ZNF540: variants seen among roughly 807,000 people sequenced by gnomAD.
ZNF540 encodes the protein zinc finger protein 540, also known as CTD-3064H18.6.
In ZNF540, 3 loss-of-function variants were observed where a neutral mutation model predicts 11.8. The ratio of observed to expected loss-of-function variants is 0.25; its 90% CI spans 0.12 to 0.65. The LOEUF (loss-of-function observed/expected upper bound fraction) is 0.65, where lower values mean the gene tolerates loss of function less well. Ranked by LOEUF, ZNF540 falls within the 30% of genes least tolerant of loss-of-function variation. ZNF540 has a pLI of 0.83. For missense variants in ZNF540, 709 were observed against 793.1 expected (o/e 0.89, Z 1.27); for synonymous variants, 247 against 259.0 (o/e 0.95, Z 0.45).
upstream of ZNF540, among the ~76,000 whole-genome samples, chr19:37,592,083 C>T (rs990873028): frequency 3.3e-5 from 5 of 151,686 alleles, no homozygotes; most frequent in Admixed American, 2.6e-4. Context: ...CATGGTGAAA[C>T]CCCGTCTCTA....
intron 1 of ZNF540, chr19:37,562,401 A>G (rs2042727413): frequency 6.6e-6 from 1 of 152,240 alleles, no homozygotes; most frequent in Admixed American, 6.5e-5. Flanking sequence ...TGAAACCAAA[A>G]AAGATAATGT....
intron 1 of ZNF540, among the ~76,000 whole-genome samples, chr19:37,568,563 A>G (rs898500547): frequency 6.6e-5 from 10 of 152,174 alleles, no homozygotes; most frequent in African/African-American, 2.4e-4. Flanking sequence ...ATGGGAAGAA[A>G]TATTAATCTA....
intron 1 of ZNF540, among the ~76,000 whole-genome samples, chr19:37,589,439 A>G (rs1278897952): frequency 6.6e-6 from 1 of 152,042 alleles, no homozygotes; most frequent in Non-Finnish European, 1.5e-5. Context: ...AGGGAAAACA[A>G]GAGAAAGACA....
intron 1 of ZNF540, among the ~76,000 whole-genome samples, chr19:37,559,975 T>G (rs2042699893): frequency 6.6e-6 from 1 of 152,114 alleles, no homozygotes; most frequent in African/African-American, 2.4e-5. Flanking sequence ...ACAATGAAGG[T>G]GGTTTTTAAA....
intron 1 of ZNF540, among the ~76,000 whole-genome samples, chr19:37,583,214 GTCC>G (rs1489442959): frequency 6.6e-6 from 1 of 152,078 alleles, no homozygotes; most frequent in Non-Finnish European, 1.5e-5. Context: ...ATCATTCCTG[GTCC>G]TCCTAACCTA....
chr19:37,553,276 G>A (rs1460853117), intron 1 of ZNF540, among the ~76,000 whole-genome samples: 2 of 151,192 alleles, frequency 1.3e-5, no homozygotes, highest in Non-Finnish European at 2.9e-5. Flanking sequence ...TGGGTTACAG[G>A]TGCCCACCAC....
At chr19:37,558,477 C>T (rs1461554466) in intron 1 of ZNF540, among the ~76,000 whole-genome samples, 1 of 152,036 alleles carries the variant, frequency 6.6e-6, no homozygotes, top group Non-Finnish European at 1.5e-5. Flanking sequence ...CTCATCATGC[C>T]CCTGGATGAC....
chr19:37,573,379 C>G (rs550557645), intron 1 of ZNF540, among the ~76,000 whole-genome samples: 2 of 152,296 alleles, frequency 1.3e-5, no homozygotes, highest in South Asian at 4.1e-4. Flanking sequence ...TAGGCTTCTC[C>G]TGGCAGCAGC....
intron 4 of ZNF540, among the ~76,000 whole-genome samples, chr19:37,609,718 T>A (rs1391579888): frequency 4.0e-5 from 6 of 149,996 alleles, no homozygotes; most frequent in African/African-American, 1.5e-4. Flanking sequence ...TTTGGTGGCA[T>A]GCACCTGTAA....
chr19:37,555,627 G>C (rs992183996), intron 1 of ZNF540: 5 of 448,856 alleles, frequency 1.1e-5, no homozygotes, highest in African/African-American at 2.0e-5. Context: ...AATGGTGGAG[G>C]AACAGTTAAA....
At chr19:37,575,969 A>G (rs1265335303) in intron 1 of ZNF540, 1 of 152,182 alleles carries the variant, frequency 6.6e-6, no homozygotes, top group Non-Finnish European at 1.5e-5. Context: ...TTGTGGATAT[A>G]AGGCTTTTAT....
chr19:37,608,665 T>TTCCGCAGTCCCAGAATTAGGTC (rs2044103219), intron 4 of ZNF540, among the ~76,000 whole-genome samples: 2 of 152,136 alleles, frequency 1.3e-5, no homozygotes, highest in Non-Finnish European at 2.9e-5. Context: ...GTGATAAGGT[T>TTCCGCAGTCCCAGAATTAGGTC]TCCGCAGTCC....
At chr19:37,601,208 C>A in intron 4 of ZNF540, 103 bp downstream of exon 4, 1 of 862,514 alleles carries the variant, frequency 1.2e-6, no homozygotes, top group Non-Finnish European at 1.8e-6. Flanking sequence ...GGGAGTTACT[C>A]TCAGAGGCCT....
At chr19:37,593,394 A>G (rs1254749580), upstream of ZNF540, among the ~76,000 whole-genome samples, 2 of 152,198 alleles carry the variant, frequency 1.3e-5, no homozygotes, top group African/African-American at 2.4e-5. Context: ...CAGAAAGTAC[A>G]GTTATTTTTC....
chr19:37,554,001 A>C (rs780052114), intron 1 of ZNF540, among the ~76,000 whole-genome samples: 36 of 152,006 alleles, frequency 2.4e-4, no homozygotes, highest in South Asian at 6.2e-4. Context: ...TTTCATTTGA[A>C]ACTATTATTT....
intron 1 of ZNF540, among the ~76,000 whole-genome samples, chr19:37,578,074 C>T (rs1235760052): frequency 1.3e-5 from 2 of 152,116 alleles, no homozygotes; most frequent in Admixed American, 1.3e-4. Flanking sequence ...GTTGCGGGCT[C>T]CTTATGAGAA....
At position 37,566,030 on chromosome 19, in the gene ZNF540, G is replaced by T. The variant is rs750319757; in HGVS notation, c.-73+14365G>T. On this transcript the variant is annotated intron_variant, in intron 1 of 4. Coordinates refer to the ZNF540 transcript ENST00000592533. ...ACATTTGTACAATTTTTCCTTGGTA[G>T]GAATTATCCGATGAAAAGTAGAAGA... 5 of 1,613,918 alleles carry T rather than the reference G, an allele frequency of 3.1e-6. No homozygotes were observed. The Admixed American group carries it at 5.0e-5, about 16-fold the overall frequency.
chr19:37,557,753 T>A (rs888325629), intron 1 of ZNF540, among the ~76,000 whole-genome samples: 1 of 152,210 alleles, frequency 6.6e-6, no homozygotes, highest in African/African-American at 2.4e-5. Flanking sequence ...ACTCTGATAT[T>A]GCAAGATGCG....
At chr19:37,584,496 A>AT (rs781272715) in intron 1 of ZNF540, among the ~76,000 whole-genome samples, 2 of 152,156 alleles carry the variant, frequency 1.3e-5, no homozygotes, top group African/African-American at 4.8e-5. Context: ...AAAAAGATGA[A>AT]TTTTTTTCCA....
Sources: gnomAD v4.1 joint callset for allele counts (sites outside exome capture counted in the v4.1 genomes callset) on GRCh38, gnomAD v4.1.1 for gene constraint, MANE v1.5 for transcripts, NCBI Gene and HGNC (gene_info 2026-07-23, HGNC 2026-07-21) for gene names.